Variants in CPM observed in about 807,000 individuals in gnomAD.
CPM encodes carboxypeptidase M.
A neutral mutation model predicts 46.4 loss-of-function variants in CPM; 35 were observed. The observed-to-expected ratio is 0.75, with a 90% CI of 0.58 to 1.00. The LOEUF (loss-of-function observed/expected upper bound fraction) is 1.00. Ranked by LOEUF, CPM falls within the 50% of genes least tolerant of loss-of-function variation. CPM has a pLI of 0.00. For synonymous variants in CPM, 195 were observed against 195.3 expected (o/e 1.00, Z 0.01); for missense variants, 422 against 530.4 (o/e 0.80, Z 2.01).
chr12:68,890,368 T>A (rs1190033953), intron 2 of CPM, among the ~76,000 whole-genome samples: 18 of 144,532 alleles, frequency 1.2e-4, no homozygotes, highest in East Asian at 6.1e-4. Flanking sequence ...TTTTTTAATT[T>A]AAAAAAAAAA....
intron 3 of CPM, among the ~76,000 whole-genome samples, chr12:68,884,200 T>G (rs886332362): frequency 6.6e-6 from 1 of 151,676 alleles, no homozygotes; most frequent in African/African-American, 2.4e-5. Flanking sequence ...AAACGCAGTC[T>G]GAGCTGCTGT....
chr12:68,860,572 G>A (rs1885164788), intron 7 of CPM, among the ~76,000 whole-genome samples: 1 of 152,082 alleles, frequency 6.6e-6, no homozygotes, highest in Non-Finnish European at 1.5e-5. Context: ...TGGGATTACA[G>A]GTGTGAGGCA....
chr12:68,898,681 A>G (rs79057837), intron 2 of CPM, among the ~76,000 whole-genome samples: 3,884 of 152,332 alleles, frequency 0.025, 163 homozygotes, highest in African/African-American at 0.088. Context: ...GATGATATAC[A>G]GTATCCTCTT....
chr12:68,907,516 T>C (rs997855140), intron 2 of CPM, among the ~76,000 whole-genome samples: 1 of 152,172 alleles, frequency 6.6e-6, no homozygotes, highest in Non-Finnish European at 1.5e-5. Flanking sequence ...GTTTGATAGA[T>C]GCATTGGAAC....
chr12:68,874,162 C>T (rs1885836094), intron 3 of CPM, among the ~76,000 whole-genome samples: 1 of 152,024 alleles, frequency 6.6e-6, no homozygotes, highest in Non-Finnish European at 1.5e-5. Context: ...AAGCTAATAA[C>T]CAAAAAAGTC....
rs548042491 is a variant in CPM, at chr12:68,952,405, T to C, written c.-4+10764A>G. Among the ~76,000 whole-genome samples the C allele has an allele frequency of 3.3e-5, 5 of 152,284 alleles. No individual in the cohort carries two copies. The East Asian group carries it at 7.7e-4, about 24-fold the overall frequency. ...CCAGGTGAGAGTCTAGCCTGAACTT[T>C]CTTTTCTCTGAAGGCTATGTCTTGC... On this transcript the variant is annotated intron_variant, in intron 1 of 8. Transcript: ENST00000546373.
rs375015896 is a variant in CPM at position 68,929,836 on chromosome 12, T to C, written c.160+2842A>G. 2.0e-5 allele frequency among the ~76,000 whole-genome samples: 3 copies of C among 152,116 alleles called. No homozygotes were observed. In the East Asian group the frequency reaches 5.8e-4, roughly 29 times the overall value. On this transcript the variant is annotated intron_variant, in intron 2 of 8. Transcript: ENST00000551568. ...CACATCTACCGACTTTGTCAATTCATGGAAATATCTAAGGAAATAACATGA... is the reference window on the plus strand; with the variant it reads ...CACATCTACCGACTTTGTCAATTCACGGAAATATCTAAGGAAATAACATGA...
chr12:68,872,056 A>T, intron 3 of CPM, 100 bp from the exon 4 acceptor site: 3 of 1,202,204 alleles, frequency 2.5e-6, no homozygotes, highest in Non-Finnish European at 3.5e-6. Flanking sequence ...TCTACACATG[A>T]TATCTCAGAC....
intron 2 of CPM, among the ~76,000 whole-genome samples, chr12:68,886,874 G>C (rs754203416): frequency 7.9e-5 from 12 of 152,184 alleles, no homozygotes; most frequent in Non-Finnish European, 1.3e-4. Flanking sequence ...CTGAGGATTT[G>C]CTTTGTGCAG....
At chr12:68,872,524 A>AT (rs1332786677) in intron 3 of CPM, among the ~76,000 whole-genome samples, 1 of 152,176 alleles carries the variant, frequency 6.6e-6, no homozygotes, top group Non-Finnish European at 1.5e-5. Context: ...AAGTGCTGGG[A>AT]TTACAGGCAT....
intron 2 of CPM, among the ~76,000 whole-genome samples, chr12:68,904,622 A>G (rs1887259895): frequency 6.6e-6 from 1 of 152,226 alleles, no homozygotes; most frequent in African/African-American, 2.4e-5. Flanking sequence ...CCCAACTACC[A>G]TTCAGAATTA....
chr12:68,908,252 C>T (rs933199062), intron 2 of CPM, among the ~76,000 whole-genome samples: 5 of 152,184 alleles, frequency 3.3e-5, no homozygotes, highest in African/African-American at 9.7e-5. Context: ...TCTTCTAGTT[C>T]TTGCAAAGCT....
At chr12:68,906,543 G>T (rs1280571680) in intron 2 of CPM, among the ~76,000 whole-genome samples, 1 of 152,040 alleles carries the variant, frequency 6.6e-6, no homozygotes, top group Non-Finnish European at 1.5e-5. Flanking sequence ...AGGCTGGAGT[G>T]TAGTGGCACG....
At position 68,852,718 on chromosome 12, in the gene CPM, C is replaced by T. The variant is rs571583491; in HGVS notation, c.*3719G>A. 72 of 151,856 alleles carry T rather than the reference C, an allele frequency of 4.7e-4. 1 individual carries two copies. The East Asian group carries it at 0.012, about 26-fold the overall frequency. 9.4% of individuals were successfully genotyped at this position (151,856 alleles called of 1,614,324 possible). Reference sequence around the variant, plus strand: ...GATTACAGGTGCCTGCCACCACGCCCGGCTAATTTTTGTATTTTTTTTTAG... The same window carrying T: ...GATTACAGGTGCCTGCCACCACGCCTGGCTAATTTTTGTATTTTTTTTTAG... On this transcript the variant is annotated 3_prime_UTR_variant, in exon 9 of 9. Coordinates refer to ENST00000551568, the MANE Select transcript of CPM (RefSeq NM_198320.5).
chr12:68,907,936 C>T (rs1203953680), intron 2 of CPM, among the ~76,000 whole-genome samples: 1 of 152,142 alleles, frequency 6.6e-6, no homozygotes, highest in Non-Finnish European at 1.5e-5. Flanking sequence ...TTAAGTGATT[C>T]TCCTGCTTCA....
intron 1 of CPM, among the ~76,000 whole-genome samples, chr12:68,939,234 A>T (rs1246855499): frequency 6.8e-6 from 1 of 147,060 alleles, no homozygotes; most frequent in Non-Finnish European, 1.5e-5. Context: ...ACATATAGAC[A>T]TCATATATGT....
intron 2 of CPM, among the ~76,000 whole-genome samples, chr12:68,931,763 A>AAAAAAAAAAAAAG (rs1482981614): frequency 2.2e-4 from 29 of 132,466 alleles, no homozygotes; most frequent in Non-Finnish European, 3.3e-4. Context: ...AAAAAAAAAA[A>AAAAAAAAAAAAAG]AAAGAAAGAA....
At chr12:68,897,785 G>GTTA (rs1468301273) in intron 2 of CPM, among the ~76,000 whole-genome samples, 43 of 149,678 alleles carry the variant, frequency 2.9e-4, no homozygotes, top group African/African-American at 9.8e-4. Context: ...GCACTATACA[G>GTTA]TTATTGTCCA....
intron 2 of CPM, chr12:68,913,991 T>C (rs1887704576): frequency 4.2e-6 from 3 of 720,152 alleles, no homozygotes; most frequent in South Asian, 4.1e-5. Flanking sequence ...CAGATATTAT[T>C]ATCAAAGAAA....
Sources: allele counts gnomAD v4.1 joint callset (sites outside exome capture counted in the v4.1 genomes callset), GRCh38; gene constraint gnomAD v4.1.1; transcripts MANE v1.5; gene names NCBI Gene and HGNC (gene_info 2026-07-23, HGNC 2026-07-21).